PIWIL4: variants seen among roughly 807,000 people sequenced by gnomAD.
PIWIL4 encodes the protein piwi like RNA-mediated gene silencing 4, also known as piwi-like protein 4.
Under a neutral mutation model 100.9 loss-of-function variants are expected in PIWIL4, and 50 were observed. The ratio of observed to expected loss-of-function variants is 0.50; its 90% CI spans 0.39 to 0.63. The LOEUF (loss-of-function observed/expected upper bound fraction) is 0.63, where lower values mean the gene tolerates loss of function less well. Ranked by LOEUF, PIWIL4 falls within the 20% of genes least tolerant of loss-of-function variation. PIWIL4 has a pLI of 0.00. For missense variants in PIWIL4, 887 were observed against 1,043.3 expected (o/e 0.85, Z 2.06); for synonymous variants, 342 against 367.5 (o/e 0.93, Z 0.79).
chr11:94,614,140 T>C (rs759910060), intron 15 of PIWIL4, among the ~76,000 whole-genome samples: 9 of 151,826 alleles, frequency 5.9e-5, no homozygotes, highest in Non-Finnish European at 1.2e-4. Flanking sequence ...TTAATGTCAT[T>C]GAGTGGTCTG....
intron 15 of PIWIL4, among the ~76,000 whole-genome samples, chr11:94,615,110 TTGA>T (rs1948831318): frequency 1.3e-5 from 2 of 152,052 alleles, no homozygotes; most frequent in Admixed American, 1.3e-4. Flanking sequence ...GGAGGGCCTC[TTGA>T]TGAAGCTCAT....
Position 94,584,178 on chromosome 11 carries a change from A to T in PIWIL4, c.635+609A>T, listed in dbSNP as rs113484557. ...CTAGTTAGTAAACAGAAGTTCACAGATAGGCCTGAAAATTCACATTTTTAG... is the reference window on the plus strand; with the variant it reads ...CTAGTTAGTAAACAGAAGTTCACAGTTAGGCCTGAAAATTCACATTTTTAG... On this transcript the variant is annotated intron_variant, in intron 5 of 19. Transcript: ENST00000299001. Among the ~76,000 whole-genome samples, 243 of 152,342 alleles carry T rather than the reference A, an allele frequency of 1.6e-3. 2 individuals carry two copies. The highest frequency in any genetic ancestry group is 5.6e-3 in the African/African-American group (231 of 41,578).
rs754765445 is a variant in PIWIL4, at chr11:94,567,555, G to T, written c.37G>T (p.Ala13Ser). ...GRARVKARGI[A>S]RSPSATEVGR... ...AGCCCGAGTGAAGGCCAGAGGCATC[G>T]CCCGCAGCCCCAGTGCCACAGAAGT... Residue 13 changes from alanine to serine, a missense_variant, in exon 1 of 20, where the codon GCC becomes TCC. Physicochemically the swap from Ala to Ser is moderately conservative, Grantham distance 99 (BLOSUM62 1). Around this residue, in one of 2 missense-constraint regions of PIWIL4, gnomAD observed 146 missense variants for 113.4 expected, o/e 1.29. Transcript: ENST00000299001. The T allele has an allele frequency of 5.6e-6, 9 of 1,605,746 alleles. No individual in the cohort carries two copies. Among genetic ancestry groups the T allele is most frequent in the Non-Finnish European group, 7.7e-6 (9 of 1,176,464 alleles).
At chr11:94,569,798 T>C (rs1162965790) in intron 2 of PIWIL4, among the ~76,000 whole-genome samples, 5 of 151,540 alleles carry the variant, frequency 3.3e-5, no homozygotes, top group African/African-American at 7.3e-5. Context: ...ATAATAGACA[T>C]TGGAGACTCG....
intron 8 of PIWIL4, among the ~76,000 whole-genome samples, chr11:94,590,194 G>A (rs1391352874): frequency 6.6e-6 from 1 of 152,160 alleles, no homozygotes; most frequent in African/African-American, 2.4e-5. Context: ...CTTCCTTCCT[G>A]AAACCTCAGC....
intron 2 of PIWIL4, among the ~76,000 whole-genome samples, chr11:94,573,624 TCC>T (rs34969702): frequency 6.6e-6 from 1 of 152,216 alleles, no homozygotes; most frequent in East Asian, 1.9e-4. Flanking sequence ...CAGCCTTGCA[TCC>T]CAGGAATGAA....
intron 16 of PIWIL4, 68 bp downstream of exon 16, chr11:94,616,631 T>G (rs1948850516): frequency 1.6e-6 from 2 of 1,287,518 alleles, no homozygotes. Flanking sequence ...TCCACATGCT[T>G]ATAGAAGACC....
chr11:94,590,941 G>A (rs898993931), intron 8 of PIWIL4, among the ~76,000 whole-genome samples: 1 of 152,140 alleles, frequency 6.6e-6, no homozygotes, highest in East Asian at 1.9e-4. Flanking sequence ...GAGTAAGATG[G>A]TCCTGGCTCC....
chr11:94,618,115 A>G lies in PIWIL4; in HGVS notation c.2168+8A>G. The G allele has an allele frequency of 6.4e-7, 1 of 1,552,362 alleles. No individual in the cohort carries two copies. The highest frequency in any genetic ancestry group is 8.7e-7 in the Non-Finnish European group (1 of 1,145,622). The stretch of plus-strand genomic sequence containing the variant: ...ATCCAGCTCAAATACCAGGTATTCA[A>G]TTATTGTTCTTTCCTCCATACTCCC... On this transcript the variant is annotated splice_region_variant and intron_variant, in intron 17 of 19. Coordinates refer to ENST00000299001, the MANE Select transcript of PIWIL4 (RefSeq NM_152431.3).
Position 94,575,141 on chromosome 11 carries a change from T to C in PIWIL4, c.298+11T>C, listed in dbSNP as rs375410113. On this transcript the variant is annotated intron_variant, in intron 3 of 19. Coordinates refer to ENST00000299001, the MANE Select transcript of PIWIL4 (RefSeq NM_152431.3). ...GAAATTGTAAAACAGGTACCCAGTT[T>C]TATGTCACTTACTTTTTTAATGTTA... is the stretch of plus-strand genomic sequence containing the variant. The C allele has an allele frequency of 6.8e-6, 11 of 1,610,916 alleles. No homozygotes were observed. The African/African-American group carries it at 1.5e-4, about 22-fold the overall frequency.
chr11:94,606,463 G>A (rs2135290603), intron 13 of PIWIL4, among the ~76,000 whole-genome samples: 1 of 152,256 alleles, frequency 6.6e-6, no homozygotes, highest in East Asian at 1.9e-4. Flanking sequence ...CAATTTGGGG[G>A]CTTTTGAAAG....
chr11:94,598,865 G>C (rs926142404), intron 11 of PIWIL4, among the ~76,000 whole-genome samples: 3 of 151,920 alleles, frequency 2.0e-5, no homozygotes, highest in Admixed American at 2.0e-4. Flanking sequence ...GCGCCACCAT[G>C]CTCAGCTAAT....
In PIWIL4 at chr11:94,614,561, G is replaced by A. The variant is rs1305260002; in HGVS notation, c.1944-1932G>A. Among the ~76,000 whole-genome samples the A allele has an allele frequency of 6.6e-5, 10 of 151,932 alleles. 1 individual carries two copies. In the South Asian group the frequency reaches 8.3e-4, roughly 13 times the overall value. ...TGACTTCAGGTGATCCTCCCTCCTCGGCCTCTAAAAGTGCTGGGGTTACAG... is the reference window on the plus strand; with the variant it reads ...TGACTTCAGGTGATCCTCCCTCCTCAGCCTCTAAAAGTGCTGGGGTTACAG... On this transcript the variant is annotated intron_variant, in intron 15 of 19. Transcript: ENST00000299001.
At position 94,601,970 on chromosome 11, in the gene PIWIL4, A is replaced by G; in HGVS notation, c.1556A>G (p.Tyr519Cys). Residue 519 changes from tyrosine to cysteine, a missense_variant, in exon 12 of 20, where the codon TAC becomes TGC. By Grantham distance (194) the Tyr-to-Cys change is radical. Coordinates refer to ENST00000299001, the MANE Select transcript of PIWIL4 (RefSeq NM_152431.3). ...GGTTCCATGGGATTTAATGTGGACT[A>G]CCCCAAAATGTGAGAATACATTGAA... is the stretch of plus-strand genomic sequence containing the variant. ...VAGSMGFNVD[Y>C]PKIIKVQENP... 1 of 1,605,810 alleles carries G rather than the reference A, an allele frequency of 6.2e-7. No individual in the cohort carries two copies. The highest frequency in any genetic ancestry group is 8.5e-7 in the Non-Finnish European group (1 of 1,177,790).
At chr11:94,576,709 C>T (rs577420271) in intron 3 of PIWIL4, among the ~76,000 whole-genome samples, 47 of 152,296 alleles carry the variant, frequency 3.1e-4, no homozygotes, top group Non-Finnish European at 5.9e-4. Flanking sequence ...GTTTTCACGT[C>T]GGAAAAATGA....
chr11:94,616,473 ATTT>A lies in PIWIL4; in HGVS notation c.1944-11_1944-9del. 1 of 1,232,862 alleles carries A rather than the reference ATTT, an allele frequency of 8.1e-7. No homozygotes were observed. Among genetic ancestry groups the A allele is most frequent in the Non-Finnish European group, 1.1e-6 (1 of 898,024 alleles). 76.4% of individuals were successfully genotyped at this position (1,232,862 alleles called of 1,614,324 possible). A position where few individuals can be genotyped will look rare whatever the true frequency, so the allele number is the denominator to read the frequency against. On this transcript the variant is annotated splice_polypyrimidine_tract_variant and intron_variant, in intron 15 of 19. Transcript: ENST00000299001. ...AAAATTGAAGTTGAATTTTACTTTTATTTTTTTTTTTAACTTTAGGTGGTTTTC... is the reference window on the plus strand; with the variant it reads ...AAAATTGAAGTTGAATTTTACTTTTATTTTTTTTAACTTTAGGTGGTTTTC...
chr11:94,578,489 A>G (rs903470664), intron 4 of PIWIL4, among the ~76,000 whole-genome samples: 9 of 152,188 alleles, frequency 5.9e-5, no homozygotes, highest in South Asian at 2.1e-4. Context: ...GCAAATCTGT[A>G]TAGATGGTCT....
chr11:94,620,889 T>C lies in PIWIL4; in HGVS notation c.2456T>C (p.Val819Ala). Residue 819 changes from valine (V) to alanine (A), a missense_variant, in exon 20 of 20, where the codon GTC becomes GCC. Coordinates refer to ENST00000299001, the MANE Select transcript of PIWIL4 (RefSeq NM_152431.3). ...LYYNWPGIVS[V>A]PAPCQYAHKL... ...TTTTCTCCTCAGGGCATAGTCAGTG[T>C]CCCAGCACCATGTCAGTATGCTCAC... is the stretch of plus-strand genomic sequence containing the variant. 3 of 1,613,558 alleles carry C rather than the reference T, an allele frequency of 1.9e-6. No individual in the cohort carries two copies. Among genetic ancestry groups the C allele is most frequent in the Non-Finnish European group, 2.5e-6 (3 of 1,179,596 alleles).
At chr11:94,614,172 C>A (rs1339570886) in intron 15 of PIWIL4, among the ~76,000 whole-genome samples, 1 of 151,724 alleles carries the variant, frequency 6.6e-6, no homozygotes, top group African/African-American at 2.4e-5. Flanking sequence ...TTGTAGCTTG[C>A]TGAGCTTCCT....
Sources: allele counts gnomAD v4.1 joint callset (sites outside exome capture counted in the v4.1 genomes callset), GRCh38; gene constraint gnomAD v4.1.1; regional missense constraint gnomAD v4.1.1; transcripts MANE v1.5; gene names NCBI Gene and HGNC (gene_info 2026-07-23, HGNC 2026-07-21).